XKR6: variants seen among roughly 807,000 people sequenced by gnomAD.
XKR6 encodes the protein XK related 6.
XKR6 carries 22 observed loss-of-function variants against 56.7 expected under a neutral mutation model. That is an observed-to-expected ratio of 0.39 (90% CI 0.28 to 0.55). XKR6 has a LOEUF of 0.55. Among genes scored for constraint, XKR6 ranks in the 20% least tolerant of loss-of-function variants. XKR6 has a pLI of 0.66. For synonymous variants in XKR6, 524 were observed against 387.8 expected (o/e 1.35, Z -4.13); for missense variants, 852 against 889.0 (o/e 0.96, Z 0.53).
At chr8:11,037,462 C>T (rs1217353272) in intron 1 of XKR6, among the ~76,000 whole-genome samples, 2 of 152,168 alleles carry the variant, frequency 1.3e-5, no homozygotes, top group African/African-American at 2.4e-5. Context: ...TGGGATCTAG[C>T]GATCCACCCA....
chr8:10,951,300 G>GTGTCTGTGTGTGT (rs988183717), intron 1 of XKR6, among the ~76,000 whole-genome samples: 1 of 122,310 alleles, frequency 8.2e-6, no homozygotes, highest in African/African-American at 4.2e-5. Flanking sequence ...TGTGTGTGTG[G>GTGTCTGTGTGTGT]GGGGGGGGGG....
chr8:11,088,703 G>A (rs761444784), intron 1 of XKR6, among the ~76,000 whole-genome samples: 9 of 152,128 alleles, frequency 5.9e-5, no homozygotes, highest in South Asian at 4.1e-4. Context: ...TGATTTCAAC[G>A]TTCTAGACAT....
intron 1 of XKR6, among the ~76,000 whole-genome samples, chr8:11,134,981 G>T (rs1009811003): frequency 7.3e-5 from 11 of 151,422 alleles, no homozygotes; most frequent in African/African-American, 2.7e-4. Flanking sequence ...AATTTTGATT[G>T]TATTTGTTTA....
chr8:11,163,774 AC>A (rs2117020087), intron 1 of XKR6, among the ~76,000 whole-genome samples: 1 of 152,230 alleles, frequency 6.6e-6, no homozygotes, highest in Admixed American at 6.5e-5. Context: ...CATTGTTATC[AC>A]ATTTTACAGT....
intron 1 of XKR6, among the ~76,000 whole-genome samples, chr8:11,017,502 TA>T (rs1328133340): frequency 2.0e-5 from 3 of 152,266 alleles, no homozygotes; most frequent in African/African-American, 7.2e-5. Context: ...TGCCTGCAAG[TA>T]ACACGACATT....
intron 1 of XKR6, chr8:11,124,228 T>C (rs1464765852): frequency 8.6e-6 from 3 of 348,302 alleles, no homozygotes; most frequent in South Asian, 2.2e-5. Flanking sequence ...ATCAAGCATA[T>C]TCATCTTACC....
chr8:10,951,587 T>G (rs56048959), intron 1 of XKR6, among the ~76,000 whole-genome samples: 1 of 152,122 alleles, frequency 6.6e-6, no homozygotes, highest in African/African-American at 2.4e-5. Context: ...TTCCCCGGAC[T>G]TCAGGGTCTT....
intron 1 of XKR6, among the ~76,000 whole-genome samples, chr8:11,048,419 C>T (rs896205362): frequency 4.6e-5 from 7 of 152,154 alleles, no homozygotes; most frequent in African/African-American, 1.7e-4. Context: ...AGTCCCTGTG[C>T]TCCTTTGATG....
intron 1 of XKR6, among the ~76,000 whole-genome samples, chr8:11,098,984 C>A (rs777141801): frequency 1.2e-4 from 19 of 152,252 alleles, no homozygotes; most frequent in Non-Finnish European, 2.2e-4. Context: ...TAAGAATTTT[C>A]TTTATGGGTA....
intron 1 of XKR6, among the ~76,000 whole-genome samples, chr8:11,132,408 G>C (rs1327460142): frequency 2.0e-5 from 3 of 151,680 alleles, no homozygotes; most frequent in Admixed American, 6.6e-5. Flanking sequence ...ACCCAGGCTG[G>C]AGTGTGGTGG....
chr8:10,959,271 G>A (rs941332522), intron 1 of XKR6, among the ~76,000 whole-genome samples: 9 of 152,082 alleles, frequency 5.9e-5, no homozygotes, highest in East Asian at 1.9e-4. Context: ...GAGTCCCCTC[G>A]GCTTGCCATG....
intron 2 of XKR6, among the ~76,000 whole-genome samples, chr8:10,907,029 A>G (rs1287690483): frequency 6.6e-6 from 1 of 152,056 alleles, no homozygotes; most frequent in Non-Finnish European, 1.5e-5. Flanking sequence ...GCCTGGCAAC[A>G]GAGCAAGACT....
At chr8:11,038,967 G>A (rs867673859) in intron 1 of XKR6, among the ~76,000 whole-genome samples, 26 of 152,112 alleles carry the variant, frequency 1.7e-4, no homozygotes, top group Admixed American at 5.9e-4. Flanking sequence ...GCTGCTTACC[G>A]CCCAACTCAG....
chr8:10,908,816 G>C (rs1800260403), intron 2 of XKR6, among the ~76,000 whole-genome samples: 1 of 152,184 alleles, frequency 6.6e-6, no homozygotes, highest in African/African-American at 2.4e-5. Flanking sequence ...GAATGGATTG[G>C]TGCAGTTAAC....
chr8:10,958,997 T>C (rs1801978582), intron 1 of XKR6, among the ~76,000 whole-genome samples: 1 of 152,204 alleles, frequency 6.6e-6, no homozygotes, highest in Non-Finnish European at 1.5e-5. Flanking sequence ...CATGGCTTAA[T>C]CTGCCCACAG....
chr8:11,108,451 G>A (rs1001157837), intron 1 of XKR6: 3 of 425,000 alleles, frequency 7.1e-6, no homozygotes, highest in Non-Finnish European at 1.4e-5. Flanking sequence ...AGAAATGTTA[G>A]AAGAAATATG....
At position 10,952,886 on chromosome 8, in the gene XKR6, C is replaced by A. The variant is rs924003177; in HGVS notation, c.765-28056G>T. ...AGTGGCAGGCGAGGAAGCATTACCACCTGAGCTCTGCCTCCTGCCAGATCA... is the reference window on the plus strand; with the variant it reads ...AGTGGCAGGCGAGGAAGCATTACCAACTGAGCTCTGCCTCCTGCCAGATCA... On this transcript the variant is annotated intron_variant, in intron 1 of 2. Transcript: ENST00000416569. 1.3e-5 allele frequency among the ~76,000 whole-genome samples: 2 copies of A among 152,180 alleles called. 1 individual carries two copies.
At chr8:11,108,418 G>T (rs895741347) in intron 1 of XKR6, 1 of 438,020 alleles carries the variant, frequency 2.3e-6, no homozygotes, top group African/African-American at 2.0e-5. Flanking sequence ...GTCACACTTA[G>T]GGAGAAAATC....
At chr8:11,074,770 G>A (rs551748879) in intron 1 of XKR6, among the ~76,000 whole-genome samples, 3 of 152,330 alleles carry the variant, frequency 2.0e-5, no homozygotes, top group African/African-American at 7.2e-5. Context: ...AGTAGAGGCT[G>A]CACACCAGAC....
Sources: allele counts gnomAD v4.1 joint callset (sites outside exome capture counted in the v4.1 genomes callset), GRCh38; gene constraint gnomAD v4.1.1; transcripts MANE v1.5; gene names NCBI Gene and HGNC (gene_info 2026-07-23, HGNC 2026-07-21).